The following SKA2 variants were observed in gnomAD, a reference collection of about 807,000 sequenced individuals.
SKA2 encodes the protein spindle and kinetochore-associated protein 2.
SKA2 carries 13 observed loss-of-function variants against 16.9 expected under a neutral mutation model. The observed-to-expected ratio is 0.77, with a 90% CI of 0.50 to 1.22. The LOEUF (loss-of-function observed/expected upper bound fraction) is 1.22. Ranked by LOEUF, SKA2 falls within the 50% of genes most tolerant of loss-of-function variation. The pLI, the probability that SKA2 is intolerant of heterozygous loss-of-function variation, is 0.00. For synonymous variants in SKA2, 47 were observed against 48.5 expected (o/e 0.97, Z 0.13); for missense variants, 107 against 139.7 (o/e 0.77, Z 1.18).
intron 1 of SKA2, among the ~76,000 whole-genome samples, chr17:59,153,578 T>C (rs2095803750): frequency 6.6e-6 from 1 of 151,386 alleles, no homozygotes; most frequent in African/African-American, 2.4e-5. Flanking sequence ...TCACTTTTTC[T>C]GGGGTGGGAA....
At chr17:59,117,698 T>G (rs1384417039) in intron 3 of SKA2, among the ~76,000 whole-genome samples, 2 of 152,228 alleles carry the variant, frequency 1.3e-5, no homozygotes, top group South Asian at 2.1e-4. Context: ...GTGCCAAGAT[T>G]ATAGGCATGA....
intron 2 of SKA2, among the ~76,000 whole-genome samples, chr17:59,123,927 A>G (rs958114998): frequency 2.0e-5 from 3 of 152,218 alleles, no homozygotes; most frequent in Non-Finnish European, 2.9e-5. Flanking sequence ...GATGTGAAGT[A>G]TAACAGTTCG....
intron 1 of SKA2, among the ~76,000 whole-genome samples, chr17:59,142,642 CA>C (rs1294893318): frequency 1.3e-5 from 2 of 150,884 alleles, no homozygotes; most frequent in Non-Finnish European, 3.0e-5. Context: ...AAAAGAGAGA[CA>C]GGGCTGGGTG....
At chr17:59,151,769 C>T (rs2147823454) in intron 1 of SKA2, 1 of 153,782 alleles carries the variant, frequency 6.5e-6, no homozygotes, top group South Asian at 2.0e-4. Context: ...AAGCACTTAC[C>T]ATCTTACAGC....
intron 1 of SKA2, among the ~76,000 whole-genome samples, chr17:59,133,786 G>A (rs1452491244): frequency 2.0e-5 from 3 of 152,122 alleles, no homozygotes; most frequent in Non-Finnish European, 4.4e-5. Context: ...GGAAAACTCT[G>A]CAATGACCAA....
chr17:59,148,695 C>G (rs916360644), intron 1 of SKA2, among the ~76,000 whole-genome samples: 2 of 149,180 alleles, frequency 1.3e-5, no homozygotes, highest in Admixed American at 1.4e-4. Context: ...GTGGTCTCAG[C>G]TACTTGGGAG....
intron 1 of SKA2, among the ~76,000 whole-genome samples, chr17:59,149,999 G>A (rs757122114): frequency 5.9e-5 from 9 of 152,132 alleles, no homozygotes; most frequent in Non-Finnish European, 1.3e-4. Context: ...AGGTCTACAG[G>A]TGCACCACCA....
rs147935969 is a variant in SKA2 at position 59,144,445 on chromosome 17, A to G, written c.33+10686T>C. Among the ~76,000 whole-genome samples the G allele has an allele frequency of 3.1e-3, 474 of 152,328 alleles. 2 individuals are homozygous for G. The highest frequency in any genetic ancestry group is 0.011 in the African/African-American group (445 of 41,574). The stretch of plus-strand genomic sequence containing the variant: ...AAAACAACTAAAAACAGGGTCTTAA[A>G]GAGATATGTGTATACCCATTTTCAT... On this transcript the variant is annotated intron_variant, in intron 1 of 3. Transcript: ENST00000330137.
At chr17:59,141,946 T>C (rs977555484) in intron 1 of SKA2, among the ~76,000 whole-genome samples, 2 of 152,050 alleles carry the variant, frequency 1.3e-5, no homozygotes, top group Non-Finnish European at 2.9e-5. Flanking sequence ...TCATCCTCTT[T>C]GAACCCATGA....
chr17:59,121,429 T>C (rs2046332892), intron 2 of SKA2, among the ~76,000 whole-genome samples: 1 of 150,294 alleles, frequency 6.7e-6, no homozygotes, highest in Non-Finnish European at 1.5e-5. Context: ...CCGAGACGGG[T>C]GGATCACCTG....
intron 1 of SKA2, among the ~76,000 whole-genome samples, chr17:59,150,333 A>C (rs1370841606): frequency 1.3e-5 from 2 of 152,220 alleles, no homozygotes; most frequent in African/African-American, 4.8e-5. Flanking sequence ...CATATTTTTT[A>C]AAAGTGATGA....
intron 1 of SKA2, among the ~76,000 whole-genome samples, chr17:59,141,622 G>A (rs114050192): frequency 0.019 from 2,811 of 151,334 alleles, 85 homozygotes; most frequent in African/African-American, 0.065. Flanking sequence ...TCCCAGCTAC[G>A]CAGGAGGCTG....
At chr17:59,125,147 A>ATTTTTTTT (rs10719455) in intron 2 of SKA2, among the ~76,000 whole-genome samples, 11 of 95,884 alleles carry the variant, frequency 1.1e-4, no homozygotes, top group South Asian at 3.6e-4. Flanking sequence ...CTAATTTTGT[A>ATTTTTTTT]TTTTTTTTTT....
At chr17:59,135,055 G>A (rs1191556407) in intron 1 of SKA2, among the ~76,000 whole-genome samples, 7 of 151,520 alleles carry the variant, frequency 4.6e-5, no homozygotes, top group Admixed American at 2.0e-4. Flanking sequence ...GGCTGGTCTC[G>A]AACTCCTGAC....
At chr17:59,146,720 G>A (rs1404910547) in intron 1 of SKA2, among the ~76,000 whole-genome samples, 2 of 152,104 alleles carry the variant, frequency 1.3e-5, no homozygotes, top group Non-Finnish European at 2.9e-5. Flanking sequence ...GGAGTGCAGT[G>A]GCAGCACAAT....
rs1173255696 is a variant in SKA2 at position 59,131,700 on chromosome 17, C to T, written c.34-333G>A. On this transcript the variant is annotated intron_variant, in intron 1 of 3. Coordinates refer to ENST00000330137, the MANE Select transcript of SKA2 (RefSeq NM_182620.4). Reference sequence around the variant, plus strand: ...CAATAATTTCCTAGGGTCACAGATACTCTCATCAGTTAGGCAGTGTTTTTC... The same window carrying T: ...CAATAATTTCCTAGGGTCACAGATATTCTCATCAGTTAGGCAGTGTTTTTC... Among the ~76,000 whole-genome samples, 8 of 152,210 alleles carry T rather than the reference C, an allele frequency of 5.3e-5. No homozygotes were observed. The South Asian group carries it at 6.2e-4, about 12-fold the overall frequency.
intron 1 of SKA2, among the ~76,000 whole-genome samples, chr17:59,147,590 C>G (rs1417400379): frequency 6.6e-6 from 1 of 151,516 alleles, no homozygotes; most frequent in Non-Finnish European, 1.5e-5. Flanking sequence ...AAATTCAATG[C>G]GTTTAGAACC....
chr17:59,129,358 T>TACACAC (rs57908900), intron 2 of SKA2: 42,700 of 136,544 alleles, frequency 0.31, 6,692 homozygotes, highest in East Asian at 0.36. Flanking sequence ...TAAACACACA[T>TACACAC]ACACACACAC....
At chr17:59,140,754 G>A (rs2046481877) in intron 1 of SKA2, among the ~76,000 whole-genome samples, 1 of 150,204 alleles carries the variant, frequency 6.7e-6, no homozygotes, top group Non-Finnish European at 1.5e-5. Context: ...GGGACTACAG[G>A]TGCCCACCAC....
Sources: allele counts gnomAD v4.1 joint callset (sites outside exome capture counted in the v4.1 genomes callset), GRCh38; gene constraint gnomAD v4.1.1; transcripts MANE v1.5; gene names NCBI Gene and HGNC (gene_info 2026-07-23, HGNC 2026-07-21).